Variants in CPOX observed in about 807,000 individuals in gnomAD.
The protein encoded by CPOX is oxygen-dependent coproporphyrinogen-III oxidase, mitochondrial.
CPOX carries 24 observed loss-of-function variants against 48.9 expected under a neutral mutation model. The ratio of observed to expected loss-of-function variants is 0.49; its 90% CI spans 0.36 to 0.69. The LOEUF (loss-of-function observed/expected upper bound fraction) is 0.69, where lower values mean the gene tolerates loss of function less well. CPOX is among the 30% of genes least tolerant of loss of function. CPOX has a pLI of 0.00. For missense variants in CPOX, 549 were observed against 597.3 expected (o/e 0.92, Z 0.84); for synonymous variants, 249 against 234.6 (o/e 1.06, Z -0.56).
At chr3:98,570,619 G>A in the CPOX span, among the ~76,000 whole-genome samples, 3 of 152,180 alleles carry the variant, frequency 2.0e-5, no homozygotes, top group Middle Eastern at 3.2e-3. Flanking sequence ...AGAAGTGAAT[G>A]TTAGTATCAG....
intron 4 of CPOX, among the ~76,000 whole-genome samples, chr3:98,587,345 G>A (rs1707383453): frequency 1.3e-5 from 2 of 151,910 alleles, no homozygotes; most frequent in Admixed American, 6.6e-5. Flanking sequence ...ACAAAATTAA[G>A]TGATCTACTT....
intron 5 of CPOX, among the ~76,000 whole-genome samples, chr3:98,582,712 T>C (rs968266129): frequency 1.3e-5 from 2 of 152,076 alleles, no homozygotes; most frequent in African/African-American, 2.4e-5. Context: ...AGGATGGTCT[T>C]GATCTCCTGA....
intron 3 of CPOX, among the ~76,000 whole-genome samples, chr3:98,589,354 A>G (rs2107127816): frequency 6.6e-6 from 1 of 152,206 alleles, no homozygotes; most frequent in South Asian, 2.1e-4. Context: ...AACAACAAGA[A>G]AAAAGAAGAA....
downstream of CPOX, among the ~76,000 whole-genome samples, chr3:98,579,199 G>A (rs924135489): frequency 1.3e-5 from 2 of 152,170 alleles, no homozygotes; most frequent in African/African-American, 4.8e-5. Flanking sequence ...TAGCTTGTAA[G>A]AAGAGTATAT....
chr3:98,573,575 CAA>C, the CPOX span, among the ~76,000 whole-genome samples: 3 of 150,992 alleles, frequency 2.0e-5, no homozygotes, highest in East Asian at 2.0e-4. Flanking sequence ...CACTCCCTGC[CAA>C]AAAAAAACAA....
the CPOX span, among the ~76,000 whole-genome samples, chr3:98,570,832 C>G: frequency 6.6e-6 from 1 of 152,230 alleles, no homozygotes. Flanking sequence ...CAGTTCCATT[C>G]TCCATTCACC....
At chr3:98,578,332 T>G, downstream of CPOX, 1 of 490,836 alleles carries the variant, frequency 2.0e-6, no homozygotes, top group Middle Eastern at 1.0e-3. Flanking sequence ...TAAACACAAC[T>G]AAATAGGCTA....
Position 98,593,068 on chromosome 3 carries a change from C to T in CPOX, c.437G>A (p.Gly146Asp), listed in dbSNP as rs1481197852. The T allele has an allele frequency of 1.2e-6, 2 of 1,613,822 alleles. No individual in the cohort carries two copies. The highest frequency in any genetic ancestry group is 1.3e-5 in the African/African-American group (1 of 74,906). The change falls in exon 1 of 7, where the codon GGC (glycine) becomes GAC (aspartate). Residue 146 changes from glycine to aspartate, a missense_variant. Around this residue, in one of 2 missense-constraint regions of CPOX, gnomAD observed 336 missense variants for 318.1 expected, o/e 1.06. Transcript: ENST00000647941. ...CAGCTCCATCTTGGTCTTCATGTCG[C>T]CCGGCCTCCTTCGCAGCTCGCCCAG... ...TDLGELRRRP[G>D]DMKTKMELLI... is the part of the protein sequence containing the mutation.
chr3:98,589,151 G>A (rs528655695), intron 3 of CPOX, among the ~76,000 whole-genome samples: 8 of 152,106 alleles, frequency 5.3e-5, no homozygotes, highest in East Asian at 3.9e-4. Flanking sequence ...GTGAAACCTC[G>A]TTGCTACTAA....
intron 1 of CPOX, among the ~76,000 whole-genome samples, chr3:98,591,395 A>G (rs1426826303): frequency 6.6e-6 from 1 of 152,224 alleles, no homozygotes; most frequent in Non-Finnish European, 1.5e-5. Flanking sequence ...TTCTCCTGCC[A>G]TCATCTAAAA....
Position 98,591,105 on chromosome 3 carries a change from C to T in CPOX, c.607G>A (p.Ala203Thr), listed in dbSNP as rs1185422267. 1 of 1,614,062 alleles carries T rather than the reference C, an allele frequency of 6.2e-7. No individual in the cohort carries two copies. The highest frequency in any genetic ancestry group is 8.5e-7 in the Non-Finnish European group (1 of 1,180,024). The part of the protein sequence containing the change: ...VLQDGCVFEK[A>T]GVSISVVHGN... ...TGAACAACAGAAATGCTCACCCCAG[C>T]CTTTTCGAAAACACACCCATCTTGA... Residue 203 changes from alanine (A) to threonine (T), a missense_variant, in exon 2 of 7, where the codon GCT (alanine) becomes ACT (threonine). Transcript: ENST00000647941.
At chr3:98,573,823 T>G in the CPOX span, among the ~76,000 whole-genome samples, 9 of 152,208 alleles carry the variant, frequency 5.9e-5, no homozygotes, top group Admixed American at 4.6e-4. Flanking sequence ...TGTTAACATC[T>G]TCTATTTGGA....
chr3:98,588,505 ATAT>A (rs1303431606), intron 4 of CPOX, among the ~76,000 whole-genome samples: 2 of 152,264 alleles, frequency 1.3e-5, no homozygotes, highest in Non-Finnish European at 2.9e-5. Flanking sequence ...GAATAAAAAG[ATAT>A]TACTACTCAA....
chr3:98,578,146 C>G (rs1168110942), downstream of CPOX: 1 of 541,698 alleles, frequency 1.8e-6, no homozygotes, highest in Non-Finnish European at 2.4e-6. Context: ...ACTGAATTAA[C>G]ACCAGTAAGA....
At chr3:98,575,273 G>C (rs1486758346), downstream of CPOX, among the ~76,000 whole-genome samples, 3 of 152,236 alleles carry the variant, frequency 2.0e-5, no homozygotes, top group Non-Finnish European at 2.9e-5. Flanking sequence ...ACTTTCCTAA[G>C]TGGCTGTATT....
chr3:98,578,950 C>T (rs576411888), downstream of CPOX, among the ~76,000 whole-genome samples: 131 of 152,312 alleles, frequency 8.6e-4, 4 homozygotes, highest in African/African-American at 3.0e-3. Flanking sequence ...GGAACTATGG[C>T]ATTAGCATAG....
Position 98,591,154 on chromosome 3 carries a change from T to A in CPOX, c.558A>T (p.Gly186=). Residue 186 remains glycine (G), a splice_region_variant and synonymous_variant, in exon 2 of 7, where the codon GGA becomes GGT. Transcript: ENST00000647941. ...GAAGTACACAGCTGATGCCGCCACC[T>A]CCTGTGTATAGAAATGTAAAAAAGG... ...FSVDRWERKE[G]GGGISCVLQD... 1 of 1,614,148 alleles carries A rather than the reference T, an allele frequency of 6.2e-7. No individual in the cohort carries two copies. The highest frequency in any genetic ancestry group is 1.7e-5 in the Admixed American group (1 of 60,020).
At chr3:98,587,833 G>C (rs1486373277) in intron 4 of CPOX, among the ~76,000 whole-genome samples, 1 of 151,864 alleles carries the variant, frequency 6.6e-6, no homozygotes, top group East Asian at 1.9e-4. Flanking sequence ...CTCAGTAATA[G>C]CTAGAAAAAG....
Position 98,581,445 on chromosome 3 carries a change from T to C in CPOX, c.1239A>G (p.Arg413=). ...GTAAAGACATCAAGATACTTTCAAT[T>C]CTGGATCCTGGAGTGAAGAGGCCAA... is the stretch of plus-strand genomic sequence containing the variant. ...TKFGLFTPGS[R]IESILMSLPL... The change falls in exon 6 of 7, where the codon AGA becomes AGG. Residue 413 remains arginine, a synonymous_variant. Coordinates refer to ENST00000647941, the MANE Select transcript of CPOX (RefSeq NM_000097.7). The C allele has an allele frequency of 6.2e-7, 1 of 1,614,042 alleles. No individual in the cohort carries two copies. Among genetic ancestry groups the C allele is most frequent in the South Asian group, 1.1e-5 (1 of 91,076 alleles).
Sources: allele counts gnomAD v4.1 joint callset (sites outside exome capture counted in the v4.1 genomes callset), GRCh38; gene constraint gnomAD v4.1.1; regional missense constraint gnomAD v4.1.1; transcripts MANE v1.5; gene names NCBI Gene and HGNC (gene_info 2026-07-23, HGNC 2026-07-21).